LRRC4C: variants seen among roughly 807,000 people sequenced by gnomAD.
The protein encoded by LRRC4C is leucine-rich repeat-containing protein 4C.
Under a neutral mutation model 33.6 loss-of-function variants are expected in LRRC4C, and 5 were observed. That is an observed-to-expected ratio of 0.15 (90% confidence interval 0.08 to 0.31). The LOEUF (loss-of-function observed/expected upper bound fraction) is 0.31. Ranked by LOEUF, LRRC4C falls within the 10% of genes least tolerant of loss-of-function variation. LRRC4C has a pLI of 1.00. For missense variants in LRRC4C, 560 were observed against 796.7 expected, an observed-to-expected ratio of 0.70 and a Z score of 3.58; for synonymous variants, 329 against 302.0, an observed-to-expected ratio of 1.09 and a Z score of -0.93.
chr11:40,666,944 T>G (rs1943841781), intron 2 of LRRC4C, among the ~76,000 whole-genome samples: 1 of 152,176 alleles, frequency 6.6e-6, no homozygotes, highest in African/African-American at 2.4e-5. Flanking sequence ...ATGCTAGGAA[T>G]GGGGAAATAC....
intron 1 of LRRC4C, among the ~76,000 whole-genome samples, chr11:40,982,179 A>T (rs1852591673): frequency 6.6e-6 from 1 of 152,236 alleles, no homozygotes; most frequent in Admixed American, 6.5e-5. Flanking sequence ...TTGTAGAGAC[A>T]TGCAAATATA....
At chr11:41,254,182 A>G (rs10501255) in intron 1 of LRRC4C, among the ~76,000 whole-genome samples, 35,581 of 151,942 alleles carry the variant, frequency 0.23, 4,958 homozygotes, top group African/African-American at 0.4. Flanking sequence ...GGATTTGAAC[A>G]CATAAATGAA....
chr11:40,416,550 G>A (rs1225700826), intron 3 of LRRC4C, among the ~76,000 whole-genome samples: 3 of 152,110 alleles, frequency 2.0e-5, no homozygotes, highest in Non-Finnish European at 4.4e-5. Flanking sequence ...CTTGGAAAGG[G>A]AAAAATGATG....
At chr11:40,155,284 G>A (rs1188856690) in intron 5 of LRRC4C, among the ~76,000 whole-genome samples, 3 of 151,614 alleles carry the variant, frequency 2.0e-5, no homozygotes, top group Admixed American at 6.6e-5. Context: ...ACAATCTAAG[G>A]TCACACCTCA....
At chr11:40,172,350 T>C (rs917854195) in intron 5 of LRRC4C, among the ~76,000 whole-genome samples, 1 of 152,164 alleles carries the variant, frequency 6.6e-6, no homozygotes. Context: ...TACTGACTAA[T>C]CCTACACCAT....
At chr11:41,034,772 A>G (rs1340587651) in intron 1 of LRRC4C, among the ~76,000 whole-genome samples, 1 of 149,444 alleles carries the variant, frequency 6.7e-6, no homozygotes, top group African/African-American at 2.4e-5. Flanking sequence ...AGTATGCCAC[A>G]TCATAGTTTT....
chr11:41,165,151 C>A (rs1302814778), intron 1 of LRRC4C, among the ~76,000 whole-genome samples: 1 of 152,110 alleles, frequency 6.6e-6, no homozygotes, highest in East Asian at 1.9e-4. Context: ...ACCTTCGCAG[C>A]CTCCACAATC....
At chr11:41,234,196 T>A (rs1279977590) in intron 1 of LRRC4C, among the ~76,000 whole-genome samples, 1 of 152,022 alleles carries the variant, frequency 6.6e-6, no homozygotes, top group Non-Finnish European at 1.5e-5. Context: ...GTCTGTTCAG[T>A]GCTAAAGAAC....
intron 4 of LRRC4C, among the ~76,000 whole-genome samples, chr11:40,280,823 G>A (rs1212620802): frequency 1.3e-5 from 2 of 152,172 alleles, no homozygotes; most frequent in African/African-American, 4.8e-5. Context: ...CCCCAACCCT[G>A]CTTCCATCCA....
At chr11:41,028,642 C>T (rs1856535784) in intron 1 of LRRC4C, among the ~76,000 whole-genome samples, 1 of 151,158 alleles carries the variant, frequency 6.6e-6, no homozygotes, top group African/African-American at 2.4e-5. Context: ...GTCTAAACTC[C>T]ACCTTGCCAT....
intron 2 of LRRC4C, among the ~76,000 whole-genome samples, chr11:40,672,673 C>A: frequency 6.6e-6 from 1 of 152,070 alleles, no homozygotes; most frequent in East Asian, 1.9e-4. Flanking sequence ...TATGCCTTAG[C>A]CAGTAATCTC....
intron 5 of LRRC4C, among the ~76,000 whole-genome samples, chr11:40,239,597 G>C (rs1254221345): frequency 6.6e-6 from 1 of 152,128 alleles, no homozygotes; most frequent in Non-Finnish European, 1.5e-5. Context: ...GCCTTGTAAA[G>C]AGACAAAAAC....
chr11:40,761,487 CT>C (rs1949208174), intron 2 of LRRC4C, among the ~76,000 whole-genome samples: 1 of 152,010 alleles, frequency 6.6e-6, no homozygotes, highest in African/African-American at 2.4e-5. Flanking sequence ...GTTGTTAAAG[CT>C]GGGTGTCGAA....
intron 3 of LRRC4C, among the ~76,000 whole-genome samples, chr11:40,363,410 G>T (rs914290853): frequency 6.6e-6 from 1 of 152,112 alleles, no homozygotes; most frequent in African/African-American, 2.4e-5. Context: ...CCTATTGGAG[G>T]GTGAAGGCTG....
intron 1 of LRRC4C, among the ~76,000 whole-genome samples, chr11:41,428,189 G>A (rs1026797538): frequency 1.7e-4 from 26 of 152,204 alleles, no homozygotes; most frequent in Non-Finnish European, 2.9e-4. Context: ...GAAGGGCTCC[G>A]GAGGCAGTTT....
intron 1 of LRRC4C, among the ~76,000 whole-genome samples, chr11:41,323,385 A>G (rs1436932038): frequency 6.6e-6 from 1 of 152,208 alleles, no homozygotes; most frequent in African/African-American, 2.4e-5. Flanking sequence ...AATCTATACA[A>G]GTTTTCTGAT....
intron 2 of LRRC4C, among the ~76,000 whole-genome samples, chr11:40,925,076 G>A (rs1957359133): frequency 6.6e-6 from 1 of 151,846 alleles, no homozygotes; most frequent in Non-Finnish European, 1.5e-5. Context: ...CTGGAACTTA[G>A]TTATTTGAGG....
intron 2 of LRRC4C, among the ~76,000 whole-genome samples, chr11:40,909,952 A>G (rs1956593679): frequency 6.6e-6 from 1 of 152,160 alleles, no homozygotes; most frequent in African/African-American, 2.4e-5. Context: ...ATTTTAATGG[A>G]ACATAGAAAT....
chr11:40,297,006 T>C (rs1199453244), intron 4 of LRRC4C, among the ~76,000 whole-genome samples: 1 of 152,266 alleles, frequency 6.6e-6, no homozygotes, highest in Non-Finnish European at 1.5e-5. Context: ...GATTTGTAGA[T>C]GTGAGACATT....
Sources: allele counts gnomAD v4.1 joint callset (sites outside exome capture counted in the v4.1 genomes callset), GRCh38; gene constraint gnomAD v4.1.1; transcripts MANE v1.5; gene names NCBI Gene and HGNC (gene_info 2026-07-23, HGNC 2026-07-21).